RSRC1: variants seen among roughly 807,000 people sequenced by gnomAD.
RSRC1 encodes the protein arginine and serine rich coiled-coil 1.
In RSRC1, 39 loss-of-function variants were observed where a neutral mutation model predicts 49.1. That is an observed-to-expected ratio of 0.79 (90% CI 0.61 to 1.04). The LOEUF is 1.04. Among genes scored for constraint, RSRC1 ranks in the 50% least tolerant of loss-of-function variants. The probability of loss-of-function intolerance (pLI) is 0.00; values close to 1 mark genes in which losing one functional copy is unlikely to be tolerated. For missense variants in RSRC1, 388 were observed against 402.4 expected, an observed-to-expected ratio of 0.96 and a Z score of 0.31; for synonymous variants, 143 against 130.8, an observed-to-expected ratio of 1.09 and a Z score of -0.63.
intron 6 of RSRC1, among the ~76,000 whole-genome samples, chr3:158,408,744 G>T (rs1734277376): frequency 6.6e-6 from 1 of 152,054 alleles, no homozygotes; most frequent in South Asian, 2.1e-4. Flanking sequence ...TTATAAGTGG[G>T]AGCCAGGCCA....
chr3:158,210,669 A>G (rs1455577057), intron 4 of RSRC1, among the ~76,000 whole-genome samples: 2 of 151,956 alleles, frequency 1.3e-5, no homozygotes, highest in African/African-American at 2.4e-5. Flanking sequence ...TTACCACCCA[A>G]TTTCTATTCT....
At chr3:158,526,589 C>G (rs1033888414) in intron 7 of RSRC1, among the ~76,000 whole-genome samples, 2 of 151,888 alleles carry the variant, frequency 1.3e-5, no homozygotes, top group Admixed American at 1.3e-4. Context: ...AAATCTCAAC[C>G]AGAAATCTCC....
chr3:158,124,927 C>T (rs1044390638), intron 3 of RSRC1, among the ~76,000 whole-genome samples: 7 of 150,832 alleles, frequency 4.6e-5, no homozygotes, highest in Non-Finnish European at 8.8e-5. Context: ...ATGATCTTCT[C>T]ACCTCAGTCT....
At chr3:158,248,761 C>T (rs891409796) in intron 4 of RSRC1, among the ~76,000 whole-genome samples, 1 of 152,050 alleles carries the variant, frequency 6.6e-6, no homozygotes, top group Non-Finnish European at 1.5e-5. Flanking sequence ...CCACGCCTGG[C>T]TAATTTTTGT....
chr3:158,343,350 T>C (rs1306682023), intron 5 of RSRC1, among the ~76,000 whole-genome samples: 1 of 152,106 alleles, frequency 6.6e-6, no homozygotes, highest in Non-Finnish European at 1.5e-5. Flanking sequence ...CAAGTCTACT[T>C]ATAGGAATAC....
chr3:158,324,253 T>C (rs1378115712), intron 5 of RSRC1, among the ~76,000 whole-genome samples: 1 of 151,884 alleles, frequency 6.6e-6, no homozygotes, highest in Admixed American at 6.6e-5. Flanking sequence ...TTTATTATAC[T>C]TTAAGTTCTA....
intron 6 of RSRC1, among the ~76,000 whole-genome samples, chr3:158,392,915 A>G (rs943811486): frequency 1.3e-5 from 2 of 152,074 alleles, no homozygotes; most frequent in Admixed American, 1.3e-4. Context: ...TCTAAAATTG[A>G]CCAGTCAGCC....
chr3:158,215,695 G>A (rs114115803), intron 4 of RSRC1, among the ~76,000 whole-genome samples: 4,587 of 151,568 alleles, frequency 0.03, 234 homozygotes, highest in African/African-American at 0.11. Context: ...TATAATACAC[G>A]TACTTAATTC....
At chr3:158,249,379 C>T (rs1724080712) in intron 4 of RSRC1, among the ~76,000 whole-genome samples, 3 of 152,300 alleles carry the variant, frequency 2.0e-5, no homozygotes, top group African/African-American at 4.8e-5. Flanking sequence ...AGGATATGTA[C>T]TTTCTGTCTG....
At chr3:158,376,113 T>TGGTCTACCATAGGA (rs1322485794) in intron 6 of RSRC1, among the ~76,000 whole-genome samples, 1 of 140,838 alleles carries the variant, frequency 7.1e-6, no homozygotes, top group Non-Finnish European at 1.5e-5. Context: ...GTCGTTCCTA[T>TGGTCTACCATAGGA]GGTCTACCTC....
At chr3:158,408,489 G>A (rs918519596) in intron 6 of RSRC1, among the ~76,000 whole-genome samples, 10 of 152,086 alleles carry the variant, frequency 6.6e-5, no homozygotes, top group South Asian at 6.2e-4. Context: ...AAAACCTCAC[G>A]TTATAGCTAA....
intron 6 of RSRC1, among the ~76,000 whole-genome samples, chr3:158,394,131 C>T (rs1399163347): frequency 2.0e-5 from 3 of 151,850 alleles, no homozygotes; most frequent in Non-Finnish European, 2.9e-5. Flanking sequence ...TCTCAACAAA[C>T]TAGGCATTCA....
At chr3:158,241,882 G>A (rs977862407) in intron 4 of RSRC1, among the ~76,000 whole-genome samples, 4 of 151,596 alleles carry the variant, frequency 2.6e-5, no homozygotes, top group East Asian at 1.9e-4. Flanking sequence ...TTTCTGATGT[G>A]TAGTTTATAT....
chr3:158,367,811 C>T (rs1731858440), intron 6 of RSRC1, among the ~76,000 whole-genome samples: 2 of 151,824 alleles, frequency 1.3e-5, no homozygotes, highest in South Asian at 4.1e-4. Flanking sequence ...AATTTGATGT[C>T]AAATTGAATA....
chr3:158,160,847 G>GATTGTCAGCATCACCTTAACTTTCTA (rs1217970615), intron 3 of RSRC1, among the ~76,000 whole-genome samples: 1 of 152,066 alleles, frequency 6.6e-6, no homozygotes, highest in African/African-American at 2.4e-5. Context: ...TACTTTATTT[G>GATTGTCAGCATCACCTTAACTTTCTA]ATTGTCAGCA....
chr3:158,120,911 A>G (rs1715213940), intron 1 of RSRC1, among the ~76,000 whole-genome samples: 1 of 75,158 alleles, frequency 1.3e-5, no homozygotes, highest in Non-Finnish European at 2.4e-5. Context: ...ATAGTATTGC[A>G]TATGAGAATC....
intron 4 of RSRC1, among the ~76,000 whole-genome samples, chr3:158,290,146 A>G (rs934158426): frequency 2.6e-5 from 4 of 152,140 alleles, no homozygotes; most frequent in African/African-American, 7.2e-5. Context: ...AGTGACTTCT[A>G]TATTGTATGC....
chr3:158,232,807 TC>T (rs1723040424), intron 4 of RSRC1, among the ~76,000 whole-genome samples: 1 of 152,040 alleles, frequency 6.6e-6, no homozygotes. Flanking sequence ...TCACAGCACT[TC>T]AGGTGAGAAG....
chr3:158,294,642 G>A (rs1427633126), intron 4 of RSRC1, among the ~76,000 whole-genome samples: 1 of 151,918 alleles, frequency 6.6e-6, no homozygotes, highest in Non-Finnish European at 1.5e-5. Context: ...AACTAGAGTG[G>A]ACAATCTCTA....
Sources: allele counts gnomAD v4.1 joint callset (sites outside exome capture counted in the v4.1 genomes callset), GRCh38; gene constraint gnomAD v4.1.1; transcripts MANE v1.5; gene names NCBI Gene and HGNC (gene_info 2026-07-23, HGNC 2026-07-21).